Variants in TRPA1 observed in about 807,000 individuals in gnomAD.
The protein encoded by TRPA1 is transient receptor potential cation channel subfamily A member 1.
A neutral mutation model predicts 131.3 loss-of-function variants in TRPA1; 129 were observed. That is an observed-to-expected ratio of 0.98 (90% CI 0.85 to 1.14). TRPA1 has a LOEUF of 1.14. TRPA1 is among the 50% of genes most tolerant of loss of function. The pLI, the probability that TRPA1 is intolerant of heterozygous loss-of-function variation, is 0.00. For missense variants in TRPA1, 1,304 were observed against 1,354.2 expected (o/e 0.96, Z 0.58); for synonymous variants, 441 against 451.7 (o/e 0.98, Z 0.30).
intron 23 of TRPA1, among the ~76,000 whole-genome samples, chr8:72,031,950 A>C (rs1050386297): frequency 2.6e-5 from 4 of 152,224 alleles, no homozygotes; most frequent in Non-Finnish European, 5.9e-5. Flanking sequence ...TGGTTAAGGA[A>C]GTCTGACCTG....
intron 3 of TRPA1, among the ~76,000 whole-genome samples, chr8:72,066,493 C>T (rs1031348020): frequency 1.3e-5 from 2 of 152,126 alleles, no homozygotes. Context: ...AGTATGCAAC[C>T]TCCTACCAGA....
intron 17 of TRPA1, among the ~76,000 whole-genome samples, chr8:72,045,911 C>T (rs1022656025): frequency 2.0e-5 from 3 of 152,008 alleles, no homozygotes; most frequent in African/African-American, 7.2e-5. Flanking sequence ...TAAGTCTATG[C>T]TGTGTCTTAA....
rs1403279528 is a variant in TRPA1 at position 72,021,774 on chromosome 8, A to G, written c.*1132T>C. The G allele has an allele frequency of 6.6e-6, 1 of 152,170 alleles. No individual in the cohort carries two copies. The highest frequency in any genetic ancestry group is 1.5e-5 in the Non-Finnish European group (1 of 68,020). 9.4% of individuals were successfully genotyped at this position (152,170 alleles called of 1,614,324 possible). A position where few individuals can be genotyped will look rare whatever the true frequency, so the allele number is the denominator to read the frequency against. On this transcript the variant is annotated 3_prime_UTR_variant, in exon 27 of 27. Coordinates refer to ENST00000262209, the MANE Select transcript of TRPA1 (RefSeq NM_007332.3). ...AGATGGAATACAGTAACACAGTTGT[A>G]TCTTGTAAACATCATGTCCAGTAAA...
At chr8:72,063,376 T>C in intron 5 of TRPA1, 87 bp downstream of exon 5, 6 of 906,272 alleles carry the variant, frequency 6.6e-6, no homozygotes, top group Non-Finnish European at 9.9e-6. Flanking sequence ...TGAGACTCCA[T>C]CTCAAAAGAA....
Position 72,022,526 on chromosome 8 carries a change from T to G in TRPA1, c.*380A>C, listed in dbSNP as rs973754654. 8.8e-6 allele frequency: 3 copies of G among 341,430 alleles called. No homozygotes were observed. Among genetic ancestry groups the G allele is most frequent in the African/African-American group, 6.4e-5 (3 of 46,668 alleles). 21.2% of individuals were successfully genotyped at this position (341,430 alleles called of 1,614,324 possible). A position where few individuals can be genotyped will look rare whatever the true frequency, so the allele number is the denominator to read the frequency against. Reference sequence around the variant, plus strand: ...ATACTTGTGACTATTTTCTAGAGCATCACATATTATGTAATTAACAAGCAG... The same window carrying G: ...ATACTTGTGACTATTTTCTAGAGCAGCACATATTATGTAATTAACAAGCAG... On this transcript the variant is annotated 3_prime_UTR_variant, in exon 27 of 27. Coordinates refer to ENST00000262209, the MANE Select transcript of TRPA1 (RefSeq NM_007332.3).
chr8:72,074,077 CT>C (rs1285546001), intron 1 of TRPA1, among the ~76,000 whole-genome samples: 2 of 152,314 alleles, frequency 1.3e-5, no homozygotes, highest in African/African-American at 4.8e-5. Context: ...CTGTACATAC[CT>C]CTTGACCCTG....
chr8:72,025,870 T>A (rs1811586195), intron 25 of TRPA1, 90 bp downstream of exon 25: 1 of 1,092,262 alleles, frequency 9.2e-7, no homozygotes, highest in Non-Finnish European at 1.4e-6. Flanking sequence ...AGACTCAAAG[T>A]CTATAAAAGG....
At chr8:72,070,801 G>A (rs564702553) in intron 2 of TRPA1, among the ~76,000 whole-genome samples, 3 of 152,230 alleles carry the variant, frequency 2.0e-5, no homozygotes, top group African/African-American at 7.2e-5. Context: ...GTGCAATCAC[G>A]CTCCTGTAGG....
chr8:72,064,589 A>T (rs1329043263), intron 4 of TRPA1, among the ~76,000 whole-genome samples: 2 of 151,992 alleles, frequency 1.3e-5, no homozygotes, highest in African/African-American at 4.8e-5. Flanking sequence ...GTATGTACCT[A>T]TCTCTAAGTC....
Position 72,022,555 on chromosome 8 carries a change from T to C in TRPA1, c.*351A>G. 1 of 366,066 alleles carries C rather than the reference T, an allele frequency of 2.7e-6. No homozygotes were observed. The highest frequency in any genetic ancestry group is 5.2e-6 in the Non-Finnish European group (1 of 191,616). 22.7% of individuals were successfully genotyped at this position (366,066 alleles called of 1,614,324 possible). A position where few individuals can be genotyped will look rare whatever the true frequency, so the allele number is the denominator to read the frequency against. On this transcript the variant is annotated 3_prime_UTR_variant, in exon 27 of 27. Coordinates refer to ENST00000262209, the MANE Select transcript of TRPA1 (RefSeq NM_007332.3). ...ATATTATGTAATTAACAAGCAGGAA[T>C]TCAGTACTGACATTTGCATTTTAGC...
intron 13 of TRPA1, chr8:72,052,992 TGTGAGA>T: frequency 2.9e-5 from 11 of 375,578 alleles, no homozygotes; most frequent in Non-Finnish European, 3.4e-5. Context: ...TGTGTGTGTG[TGTGAGA>T]GATAGAGAAA....
At chr8:72,043,950 T>C (rs189580031) in intron 17 of TRPA1, among the ~76,000 whole-genome samples, 37 of 151,940 alleles carry the variant, frequency 2.4e-4, no homozygotes, top group Admixed American at 2.2e-3. Context: ...AACCTTCATT[T>C]TAACAAGAAC....
chr8:72,067,134 G>T (rs933530814), intron 3 of TRPA1, among the ~76,000 whole-genome samples: 1 of 152,146 alleles, frequency 6.6e-6, no homozygotes, highest in Non-Finnish European at 1.5e-5. Context: ...ACCATTATAG[G>T]CAGCAGAGGA....
rs535633249 is a variant in TRPA1, at chr8:72,023,023, A to G, written c.3243T>C (p.Asp1081=). ...KMEIISETED[D]DSHCSFQDRF... The stretch of plus-strand genomic sequence containing the variant: ...TGTCTTGAAAAGAACAATGGCTATC[A>G]TCATCCTCTGTCTCAGAGATGATCT... The change falls in exon 27 of 27, where the codon GAT becomes GAC. Residue 1081 remains aspartate (D), a synonymous_variant. Transcript: ENST00000262209. 4.3e-6 allele frequency: 7 copies of G among 1,613,874 alleles called. No individual in the cohort carries two copies. Among genetic ancestry groups the G allele is most frequent in the African/African-American group, 2.7e-5 (2 of 75,036 alleles).
chr8:72,081,114 A>G, the TRPA1 span, among the ~76,000 whole-genome samples: 1 of 151,796 alleles, frequency 6.6e-6, no homozygotes, highest in South Asian at 2.1e-4. Flanking sequence ...GAGGTAGAAC[A>G]TTCAGTTGTT....
intron 14 of TRPA1, 91 bp from the exon 15 acceptor site, chr8:72,050,962 A>C: frequency 1.1e-6 from 1 of 944,604 alleles, no homozygotes; most frequent in East Asian, 2.4e-5. Context: ...TTTAGGGGAA[A>C]CCTAAACTTA....
Position 72,038,026 on chromosome 8 carries a change from C to T in TRPA1, c.2342G>A (p.Ser781Asn). The T allele has an allele frequency of 6.2e-7, 1 of 1,602,240 alleles. No homozygotes were observed. The highest frequency in any genetic ancestry group is 1.1e-5 in the South Asian group (1 of 90,534). The change falls in exon 20 of 27, where the codon AGT becomes AAT. Residue 781 changes from serine (S) to asparagine (N), a missense_variant. Ser to Asn is a conservative substitution (Grantham distance 46). Transcript: ENST00000262209. Reference protein sequence around the residue: ...KTCMILVFLSSIFGYCKEAGQ... With the variant: ...KTCMILVFLSNIFGYCKEAGQ... ...CGCTTCTTTGCAATACCCAAATATA[C>T]TTGATAAAAACACTAAAATCATACA...
intron 19 of TRPA1, 25 bp downstream of exon 19, chr8:72,038,837 ATTT>A (rs766182670): frequency 6.3e-7 from 1 of 1,591,112 alleles, no homozygotes; most frequent in South Asian, 1.1e-5. Flanking sequence ...ATAATCCTTT[ATTT>A]TAGAAAGTTA....
chr8:72,075,028 A>G (rs1806141374), intron 1 of TRPA1, among the ~76,000 whole-genome samples: 1 of 152,250 alleles, frequency 6.6e-6, no homozygotes, highest in Non-Finnish European at 1.5e-5. Flanking sequence ...ATCTTGTGCC[A>G]GATGATACAG....
Sources: gnomAD v4.1 joint callset for allele counts (sites outside exome capture counted in the v4.1 genomes callset) on GRCh38, gnomAD v4.1.1 for gene constraint, MANE v1.5 for transcripts, NCBI Gene and HGNC (gene_info 2026-07-23, HGNC 2026-07-21) for gene names.